Variants in IQCN observed in about 807,000 individuals in gnomAD.
IQCN encodes IQ motif containing N.
Under a neutral mutation model 64.4 loss-of-function variants are expected in IQCN, and 46 were observed. The ratio of observed to expected loss-of-function variants is 0.71; its 90% CI spans 0.56 to 0.91. IQCN has a LOEUF of 0.91. Among genes scored for constraint, IQCN ranks in the 40% least tolerant of loss-of-function variants. The pLI is 0.00. For synonymous variants in IQCN, 733 were observed against 775.6 expected (o/e 0.95, Z 0.91); for missense variants, 1,753 against 1,857.4 (o/e 0.94, Z 1.03).
rs1318817686 is a variant in IQCN at position 18,264,581 on chromosome 19, G to C, written c.2959C>G (p.Leu987Val). The part of the protein sequence containing the change: ...KALTEEEWVA[L>V]SQALCQGELG... The stretch of plus-strand genomic sequence containing the variant: ...TCACCCTGACACAGGGCCTGGCTCA[G>C]AGCCACCCACTCCTCCTCCGTCAAA... The change falls in exon 3 of 4, where the codon CTG (leucine) becomes GTG (valine). Residue 987 changes from leucine to valine, a missense_variant. Leu to Val is a conservative substitution (Grantham distance 32). Transcript: ENST00000392413. The surrounding 1 kb of genome is among the most constrained non-coding windows in gnomAD (Gnocchi z 4.3). The C allele has an allele frequency of 1.3e-6, 2 of 1,551,446 alleles. No individual in the cohort carries two copies. Among genetic ancestry groups the C allele is most frequent in the South Asian group, 1.2e-5 (1 of 84,062 alleles).
rs2148099720 is a variant in IQCN, at chr19:18,264,129, A to G, written c.3177+234T>C. Reference sequence around the variant, plus strand: ...GGGGCTCAAATCCAGGTTTGAGGAGAAGTCCCTGCTGGACTCCATCATCTC... The same window carrying G: ...GGGGCTCAAATCCAGGTTTGAGGAGGAGTCCCTGCTGGACTCCATCATCTC... On this transcript the variant is annotated intron_variant, in intron 3 of 3. Transcript: ENST00000392413. This position sits in a 1 kb window ranked among gnomAD's most constrained non-coding sequence, Gnocchi z 4.3. Among the ~76,000 whole-genome samples the G allele has an allele frequency of 6.6e-6, 1 of 152,184 alleles. No individual in the cohort carries two copies. Among genetic ancestry groups the G allele is most frequent in the African/African-American group, 2.4e-5 (1 of 41,530 alleles).
At chr19:18,267,791 TC>T in intron 2 of IQCN, 2 of 301,402 alleles carry the variant, frequency 6.6e-6, no homozygotes, top group Non-Finnish European at 1.1e-5. Context: ...TTTTTTCTTT[TC>T]TTTTTTTTTT....
At position 18,266,411 on chromosome 19, in the gene IQCN, T is replaced by C. The variant is rs1568280366; in HGVS notation, c.1129A>G (p.Thr377Ala). 6 of 1,589,662 alleles carry C rather than the reference T, an allele frequency of 3.8e-6. No homozygotes were observed. In the South Asian group the frequency reaches 6.9e-5, roughly 18 times the overall value. The change falls in exon 3 of 4, where the codon ACC (threonine) becomes GCC (alanine). Residue 377 changes from threonine to alanine, a missense_variant. Physicochemically the swap from Thr to Ala is moderately conservative, Grantham distance 58. Transcript: ENST00000392413. The surrounding 1 kb of genome is among the most constrained non-coding windows in gnomAD (Gnocchi z 4.3). ...SPVPKVTIIK[T>A]PAQMYPGPTV... ...GGCCCCGGATACATCTGGGCTGGGG[T>C]CTTGATTATTGTTACTTTGGGAACT...
At position 18,265,812 on chromosome 19, in the gene IQCN, A is replaced by G. The variant is rs557198790; in HGVS notation, c.1728T>C (p.Ala576=). 3 of 1,614,086 alleles carry G rather than the reference A, an allele frequency of 1.9e-6. No homozygotes were observed. In the South Asian group the frequency reaches 3.3e-5, roughly 18 times the overall value. The part of the protein sequence containing the change: ...VVKASSPSYL[A]EGKIRCLAQP... ...GAGCCAGGCACCTGATCTTCCCCTC[A>G]GCCAAATAGGAGGGGGATGAGGCTT... Residue 576 remains alanine, a synonymous_variant, in exon 3 of 4, where the codon GCT becomes GCC. Transcript: ENST00000392413. The surrounding 1 kb of genome is among the most constrained non-coding windows in gnomAD (Gnocchi z 4.7).
Position 18,258,059 on chromosome 19 carries a change from T to G in IQCN, c.3225A>C (p.Ala1075=). 1 of 1,612,518 alleles carries G rather than the reference T, an allele frequency of 6.2e-7. No individual in the cohort carries two copies. Among genetic ancestry groups the G allele is most frequent in the Non-Finnish European group, 8.5e-7 (1 of 1,179,996 alleles). Residue 1075 remains alanine (A), a synonymous_variant, in exon 4 of 4, where the codon GCA becomes GCC. Coordinates refer to ENST00000392413, the MANE Select transcript of IQCN (RefSeq NM_001145304.2). ...ACGCAGCACCCCTGGCTGGCTCCCA[T>G]GCGCGGTTCCACGATTGGCCACCAA... The part of the protein sequence containing the change: ...GVVGGQSWNR[A]WEPARGAASW...
In IQCN at chr19:18,265,897, T is replaced by C. The variant is rs753051385; in HGVS notation, c.1643A>G (p.His548Arg). The stretch of plus-strand genomic sequence containing the variant: ...GGCCTTGGCCTTGGGTGGGTTCTCA[T>C]GGATGGAGCCTGAGGTGTTGGGAGT... ...AGTPNTSGSIHENPPKAKATV... is the reference protein window; with the variant it reads ...AGTPNTSGSIRENPPKAKATV... The change falls in exon 3 of 4, where the codon CAT becomes CGT. Residue 548 changes from histidine (H) to arginine (R), a missense_variant. Coordinates refer to ENST00000392413, the MANE Select transcript of IQCN (RefSeq NM_001145304.2). This position sits in a 1 kb window ranked among gnomAD's most constrained non-coding sequence, Gnocchi z 4.7. 1.2e-6 allele frequency: 2 copies of C among 1,614,170 alleles called. No homozygotes were observed. The highest frequency in any genetic ancestry group is 4.5e-5 in the East Asian group (2 of 44,886).
Position 18,257,433 on chromosome 19 carries a change from G to A in IQCN, c.3851C>T (p.Ala1284Val), listed in dbSNP as rs1173616639. ...GTEGPGAVSWASAYQLAALSP... is the reference protein window; with the variant it reads ...GTEGPGAVSWVSAYQLAALSP... ...CAGGGCAGCCAGCTGGTAGGCGGAGGCCCAAGACACTGCCCCGGGGCCCTC... is the reference window on the plus strand; with the variant it reads ...CAGGGCAGCCAGCTGGTAGGCGGAGACCCAAGACACTGCCCCGGGGCCCTC... Residue 1284 changes from alanine (A) to valine (V), a missense_variant, in exon 4 of 4, where the codon GCC becomes GTC. By Grantham distance (64) the Ala-to-Val change is moderately conservative. Transcript: ENST00000392413. The A allele has an allele frequency of 6.2e-7, 1 of 1,609,544 alleles. No individual in the cohort carries two copies. The highest frequency in any genetic ancestry group is 1.1e-5 in the South Asian group (1 of 90,910).
rs778939133 is a variant in IQCN, at chr19:18,257,875, G to T, written c.3409C>A (p.His1137Asn). ...YLARRRIRLW[H>N]RGAMVIQATW... is the part of the protein sequence containing the mutation. Reference sequence around the variant, plus strand: ...GCTTGGATGACCATGGCCCCCCGGTGCCACAGCCGGATCCTGCGACGCGCC... The same window carrying T: ...GCTTGGATGACCATGGCCCCCCGGTTCCACAGCCGGATCCTGCGACGCGCC... Residue 1137 changes from histidine to asparagine, a missense_variant, in exon 4 of 4, where the codon CAC becomes AAC. Physicochemically the swap from His to Asn is moderately conservative, Grantham distance 68. Coordinates refer to ENST00000392413, the MANE Select transcript of IQCN (RefSeq NM_001145304.2). 24 of 1,612,214 alleles carry T rather than the reference G, an allele frequency of 1.5e-5. No homozygotes were observed. The African/African-American group carries it at 2.4e-4, about 16-fold the overall frequency.
In IQCN at chr19:18,266,542, G is replaced by A. The variant is rs1372769527; in HGVS notation, c.998C>T (p.Pro333Leu). 6.2e-7 allele frequency: 1 copy of A among 1,612,096 alleles called. No homozygotes were observed. The highest frequency in any genetic ancestry group is 1.3e-5 in the African/African-American group (1 of 74,772). The change falls in exon 3 of 4, where the codon CCC becomes CTC. Residue 333 changes from proline to leucine, a missense_variant. Physicochemically the swap from Pro to Leu is moderately conservative, Grantham distance 98 (BLOSUM62 -3). Coordinates refer to ENST00000392413, the MANE Select transcript of IQCN (RefSeq NM_001145304.2). The surrounding 1 kb of genome is among the most constrained non-coding windows in gnomAD (Gnocchi z 4.3). ...PKAPFQICPG[P>L]MITKTLLQTY... ...CTGGAGTAGAGTCTTGGTGATCATG[G>A]GCCCTGGACATATCTGGAAGGGGGC...
chr19:18,271,625 A>C (rs1047413029), intron 1 of IQCN, among the ~76,000 whole-genome samples: 1 of 152,130 alleles, frequency 6.6e-6, no homozygotes, highest in Admixed American at 6.6e-5. Context: ...TGGATCGGCC[A>C]AGCCAGAGCT....
rs1568279122 is a variant in IQCN, at chr19:18,265,424, G to A, written c.2116C>T (p.Leu706=). 1 of 1,614,226 alleles carries A rather than the reference G, an allele frequency of 6.2e-7. No individual in the cohort carries two copies. Among genetic ancestry groups the A allele is most frequent in the Non-Finnish European group, 8.5e-7 (1 of 1,180,026 alleles). ...LPTELTKTPS[L]AHLDTCLSKM... is the part of the protein sequence containing the mutation. ...CTCAGACAGGTGTCCAGATGGGCCA[G>A]GGATGGGGTCTTGGTCAGCTCAGTG... The change falls in exon 3 of 4, where the codon CTG becomes TTG. Residue 706 remains leucine, a synonymous_variant. Transcript: ENST00000392413. This position sits in a 1 kb window ranked among gnomAD's most constrained non-coding sequence, Gnocchi z 4.7.
At position 18,257,603 on chromosome 19, in the gene IQCN, G is replaced by A. The variant is rs531092268; in HGVS notation, c.3681C>T (p.His1227=). The A allele has an allele frequency of 6.8e-6, 11 of 1,612,806 alleles. No individual in the cohort carries two copies. Among genetic ancestry groups the A allele is most frequent in the African/African-American group, 6.7e-5 (5 of 75,072 alleles). ...TCAGGGAGTGGCAGACGCTGCAAGC[G>A]TGTGCCTGGCAGGACTGGAAGCAGC... ...DHRCFQSCQA[H]ACSVCHSLSS... The change falls in exon 4 of 4, where the codon CAC becomes CAT. Residue 1227 remains histidine (H), a synonymous_variant. Transcript: ENST00000392413.
At chr19:18,268,186 G>C (rs1391757473) in intron 2 of IQCN, among the ~76,000 whole-genome samples, 1 of 146,878 alleles carries the variant, frequency 6.8e-6, no homozygotes, top group African/African-American at 2.5e-5. Flanking sequence ...GTGTGTGTGT[G>C]TGTGTGTGTG....
At chr19:18,260,274 T>A (rs1969396288) in intron 3 of IQCN, 1 of 152,420 alleles carries the variant, frequency 6.6e-6, no homozygotes, top group Non-Finnish European at 1.5e-5. Flanking sequence ...TTCACATAGG[T>A]TCACCCCAGT....
Position 18,258,117 on chromosome 19 carries a change from G to T in IQCN, c.3178-11C>A. ...AGCGTCCGCGGGGCCCTGGAGTATA[G>T]TGGAGTTCAGGGATGCCTTGTGACT... On this transcript the variant is annotated splice_polypyrimidine_tract_variant and intron_variant, in intron 3 of 3. Coordinates refer to ENST00000392413, the MANE Select transcript of IQCN (RefSeq NM_001145304.2). The T allele has an allele frequency of 6.2e-7, 1 of 1,606,898 alleles. No individual in the cohort carries two copies.
chr19:18,264,921 TACC>T lies in IQCN; in HGVS notation c.2616_2618del (p.Val873del). 6.2e-7 allele frequency: 1 copy of T among 1,613,214 alleles called. No homozygotes were observed. The highest frequency in any genetic ancestry group is 8.5e-7 in the Non-Finnish European group (1 of 1,179,986). ...CACACAAGGAGGCCAGCAGGGAGCC[TACC>T]GTGTCCTCCTGGCAGGGCACCGCCT... is the stretch of plus-strand genomic sequence containing the variant. On this transcript the variant is annotated inframe_deletion, in exon 3 of 4. Coordinates refer to ENST00000392413, the MANE Select transcript of IQCN (RefSeq NM_001145304.2). The surrounding 1 kb of genome is among the most constrained non-coding windows in gnomAD (Gnocchi z 4.3).
Position 18,257,140 on chromosome 19 carries a change from A to G in IQCN, c.*40T>C, listed in dbSNP as rs1391148151. 1 of 1,589,022 alleles carries G rather than the reference A, an allele frequency of 6.3e-7. No individual in the cohort carries two copies. The highest frequency in any genetic ancestry group is 1.3e-5 in the African/African-American group (1 of 74,436). ...TATTCATTAGACCCAGAGAGCCATG[A>G]GTGCCTCCCACGAAGTCCCCACTGC... is the stretch of plus-strand genomic sequence containing the variant. On this transcript the variant is annotated 3_prime_UTR_variant, in exon 4 of 4. Transcript: ENST00000392413.
intron 2 of IQCN, among the ~76,000 whole-genome samples, chr19:18,268,961 CAAAAAAAAAAA>C (rs35086395): frequency 1.8e-5 from 1 of 54,412 alleles, no homozygotes; most frequent in African/African-American, 7.2e-5. Flanking sequence ...GACTCTGTCT[CAAAAAAAAAAA>C]AAAAAAAAAG....
At position 18,265,612 on chromosome 19, in the gene IQCN, T is replaced by C. The variant is rs769427574; in HGVS notation, c.1928A>G (p.Lys643Arg). Residue 643 changes from lysine (K) to arginine (R), a missense_variant, in exon 3 of 4, where the codon AAG becomes AGG. Lys to Arg is a conservative substitution (Grantham distance 26, BLOSUM62 2). Transcript: ENST00000392413. The surrounding 1 kb of genome is among the most constrained non-coding windows in gnomAD (Gnocchi z 4.7). ...SWTKVAEEGD[K>R]PPHVYVPVDM... ...TACAGGCACATACACGTGAGGTGGC[T>C]TGTCCCCTTCCTCAGCAACTTTTGT... is the stretch of plus-strand genomic sequence containing the variant. 12 of 1,614,018 alleles carry C rather than the reference T, an allele frequency of 7.4e-6. No homozygotes were observed. The highest frequency in any genetic ancestry group is 9.3e-6 in the Non-Finnish European group (11 of 1,179,976).
Sources: allele counts gnomAD v4.1 joint callset (sites outside exome capture counted in the v4.1 genomes callset), GRCh38; gene constraint gnomAD v4.1.1; non-coding constraint Gnocchi (gnomAD v3.1); transcripts MANE v1.5; gene names NCBI Gene and HGNC (gene_info 2026-07-23, HGNC 2026-07-21).